RBM47: variants seen among roughly 807,000 people sequenced by gnomAD.
RBM47 encodes RNA binding motif protein 47.
RBM47 carries 21 observed loss-of-function variants against 47.1 expected under a neutral mutation model. The ratio of observed to expected loss-of-function variants is 0.45; its 90% CI spans 0.32 to 0.64. The LOEUF (loss-of-function observed/expected upper bound fraction) is 0.64. Among genes scored for constraint, RBM47 ranks in the 30% least tolerant of loss-of-function variants. The pLI is 0.05. For synonymous variants in RBM47, 375 were observed against 361.7 expected, an observed-to-expected ratio of 1.04 and a Z score of -0.42; for missense variants, 708 against 870.9, an observed-to-expected ratio of 0.81 and a Z score of 2.35.
intron 3 of RBM47, among the ~76,000 whole-genome samples, chr4:40,461,868 G>A (rs1349701166): frequency 6.6e-6 from 1 of 151,326 alleles, no homozygotes; most frequent in African/African-American, 2.4e-5. Flanking sequence ...CTGGGAGGCA[G>A]AGGTTGCAGT....
intron 4 of RBM47, chr4:40,436,897 G>T (rs1283751030): frequency 3.3e-6 from 2 of 608,002 alleles, no homozygotes; most frequent in Non-Finnish European, 6.1e-6. Flanking sequence ...TGCAATTTCA[G>T]TAAAGAAAAA....
At chr4:40,491,067 T>C (rs1335257765) in intron 2 of RBM47, among the ~76,000 whole-genome samples, 1 of 152,004 alleles carries the variant, frequency 6.6e-6, no homozygotes, top group Admixed American at 6.6e-5. Flanking sequence ...GCAGAAATCT[T>C]AGGGGAAAAC....
Position 40,425,869 on chromosome 4 carries a change from G to A in RBM47, c.*35C>T, listed in dbSNP as rs371818265. ...AATAGTCAAGCGTTCCTTCAGTGGT[G>A]TTTGTGTGGTCTGTCTTCGTGCTGG... is the stretch of plus-strand genomic sequence containing the variant. On this transcript the variant is annotated 3_prime_UTR_variant, in exon 7 of 7. Transcript: ENST00000295971. 6.2e-7 allele frequency: 1 copy of A among 1,604,200 alleles called. No homozygotes were observed. Among genetic ancestry groups the A allele is most frequent in the Non-Finnish European group, 8.5e-7 (1 of 1,172,342 alleles).
rs576468459 is a variant in RBM47, at chr4:40,600,422, C to T, written c.-240+28974G>A. Among the ~76,000 whole-genome samples the T allele has an allele frequency of 1.1e-3, 163 of 148,204 alleles. 2 individuals carry two copies. Among genetic ancestry groups the T allele is most frequent in the Non-Finnish European group, 8.9e-5 (6 of 67,070 alleles). On this transcript the variant is annotated intron_variant, in intron 1 of 6. Coordinates refer to ENST00000295971, the MANE Select transcript of RBM47 (RefSeq NM_001098634.2). ...GGCCAAGGCGGGCGGATCACGAGGTCAGGAGATTGAGACCATGCTGGCTAA... is the reference window on the plus strand; with the variant it reads ...GGCCAAGGCGGGCGGATCACGAGGTTAGGAGATTGAGACCATGCTGGCTAA...
chr4:40,530,446 G>A (rs891043737), intron 2 of RBM47, among the ~76,000 whole-genome samples: 1 of 152,046 alleles, frequency 6.6e-6, no homozygotes, highest in Non-Finnish European at 1.5e-5. Flanking sequence ...GGGACTACAG[G>A]CACACGCCAT....
At chr4:40,519,488 G>T (rs1725967200) in intron 2 of RBM47, among the ~76,000 whole-genome samples, 4 of 151,066 alleles carry the variant, frequency 2.6e-5, no homozygotes. Context: ...GTAGAGATGG[G>T]GTTTCTGCAT....
At chr4:40,584,865 G>GTT (rs879579048) in intron 1 of RBM47, among the ~76,000 whole-genome samples, 1 of 113,218 alleles carries the variant, frequency 8.8e-6, no homozygotes, top group Admixed American at 9.1e-5. Context: ...TATAGATCAT[G>GTT]TGTGTTTGTT....
chr4:40,476,955 C>T (rs967818549), intron 2 of RBM47, among the ~76,000 whole-genome samples: 1 of 152,140 alleles, frequency 6.6e-6, no homozygotes, highest in Non-Finnish European at 1.5e-5. Context: ...CCAGAATGGG[C>T]CGGGTGTGGT....
intron 2 of RBM47, among the ~76,000 whole-genome samples, chr4:40,510,299 T>C (rs1479829324): frequency 6.6e-6 from 1 of 151,994 alleles, no homozygotes; most frequent in Non-Finnish European, 1.5e-5. Flanking sequence ...GTTTTACCCC[T>C]TTGTTATATG....
At chr4:40,557,017 A>C (rs1397488031) in intron 1 of RBM47, among the ~76,000 whole-genome samples, 1 of 152,186 alleles carries the variant, frequency 6.6e-6, no homozygotes, top group Non-Finnish European at 1.5e-5. Flanking sequence ...GTGTACGCTC[A>C]TTAAAAATTG....
intron 2 of RBM47, among the ~76,000 whole-genome samples, chr4:40,518,076 G>A (rs2154255377): frequency 6.7e-6 from 1 of 150,128 alleles, no homozygotes; most frequent in South Asian, 2.1e-4. Flanking sequence ...ATGAGGATGA[G>A]AAAATGGGAT....
intron 1 of RBM47, among the ~76,000 whole-genome samples, chr4:40,625,323 T>C (rs938140387): frequency 1.1e-4 from 16 of 152,232 alleles, no homozygotes; most frequent in African/African-American, 3.9e-4. Context: ...TTTGTACTTC[T>C]GTACTTTTTG....
chr4:40,534,255 C>G (rs1176678210), intron 2 of RBM47, among the ~76,000 whole-genome samples: 1 of 152,120 alleles, frequency 6.6e-6, no homozygotes, highest in Non-Finnish European at 1.5e-5. Flanking sequence ...CCTGAGCCAC[C>G]ATGCCTAGCC....
chr4:40,554,797 A>G (rs1156292477), intron 1 of RBM47, among the ~76,000 whole-genome samples: 4 of 139,692 alleles, frequency 2.9e-5, no homozygotes, highest in Non-Finnish European at 6.1e-5. Flanking sequence ...TTTTTTAACG[A>G]ATCTCCCAGG....
In RBM47 at chr4:40,438,855, G is replaced by A. The variant is rs35886497; in HGVS notation, c.39C>T (p.Asp13=). 2.3e-3 allele frequency: 3,593 copies of A among 1,560,750 alleles called. 66 individuals carry two copies. In the African/African-American group the frequency reaches 0.042, roughly 18 times the overall value. ...AEDSTAAMSS[D]SAAGSSAKVP... is the part of the protein sequence containing the mutation. ...CCTTGGCGGAGGACCCGGCGGCCGA[G>A]TCACTGCTCATGGCTGCGGTGGAAT... Residue 13 remains aspartate, a synonymous_variant, in exon 4 of 7, where the codon GAC becomes GAT. Transcript: ENST00000295971.
chr4:40,586,890 G>A (rs2154273707), intron 1 of RBM47, among the ~76,000 whole-genome samples: 1 of 152,240 alleles, frequency 6.6e-6, no homozygotes, highest in East Asian at 1.9e-4. Context: ...ATTCACAACA[G>A]CTGTGTGCAG....
At chr4:40,560,635 A>T (rs28572190) in intron 1 of RBM47, among the ~76,000 whole-genome samples, 4,435 of 152,260 alleles carry the variant, frequency 0.029, 139 homozygotes, top group African/African-American at 0.083. Flanking sequence ...TGATGCAGCC[A>T]TCTATGCCCT....
Position 40,426,137 on chromosome 4 carries a change from G to C in RBM47, c.1549C>G (p.Pro517Ala). The C allele has an allele frequency of 6.2e-7, 1 of 1,613,968 alleles. No homozygotes were observed. Among genetic ancestry groups the C allele is most frequent in the Non-Finnish European group, 8.5e-7 (1 of 1,179,958 alleles). Residue 517 changes from proline (P) to alanine (A), a missense_variant, in exon 7 of 7, where the codon CCA becomes GCA. Coordinates refer to ENST00000295971, the MANE Select transcript of RBM47 (RefSeq NM_001098634.2). Reference protein sequence around the residue: ...VSTPPPFQGRPITPVYTVAPN... With the variant: ...VSTPPPFQGRAITPVYTVAPN... ...GCCACCGTGTATACTGGAGTTATTGGGCGGCCCTGAGGAGAAGAGACAAAA... is the reference window on the plus strand; with the variant it reads ...GCCACCGTGTATACTGGAGTTATTGCGCGGCCCTGAGGAGAAGAGACAAAA...
chr4:40,529,877 T>TAA (rs1727205285), intron 2 of RBM47, among the ~76,000 whole-genome samples: 1 of 139,826 alleles, frequency 7.2e-6, no homozygotes, highest in Non-Finnish European at 1.5e-5. Flanking sequence ...AATAAATAAA[T>TAA]ATTAAAATAA....
Sources: gnomAD v4.1 joint callset for allele counts (sites outside exome capture counted in the v4.1 genomes callset) on GRCh38, gnomAD v4.1.1 for gene constraint, MANE v1.5 for transcripts, NCBI Gene and HGNC (gene_info 2026-07-23, HGNC 2026-07-21) for gene names.